PPARD: variants seen among roughly 807,000 people sequenced by gnomAD.
The protein encoded by PPARD is peroxisome proliferator activated receptor delta.
Under a neutral mutation model 39.5 loss-of-function variants are expected in PPARD, and 6 were observed. That is an observed-to-expected ratio of 0.15 (90% CI 0.08 to 0.30). The LOEUF is 0.30. Among genes scored for constraint, PPARD ranks in the 10% least tolerant of loss-of-function variants. The probability of loss-of-function intolerance (pLI) is 1.00; values close to 1 mark genes in which losing one functional copy is unlikely to be tolerated. For missense variants in PPARD, 397 were observed against 596.8 expected (o/e 0.67, Z 3.49); for synonymous variants, 210 against 231.3 (o/e 0.91, Z 0.83).
chr6:35,393,878 G>A (rs537643709), intron 2 of PPARD, among the ~76,000 whole-genome samples: 1 of 152,292 alleles, frequency 6.6e-6, no homozygotes, highest in East Asian at 1.9e-4. Flanking sequence ...AGGGACAGGA[G>A]GACTGAGAAC....
At chr6:35,407,930 A>T (rs368976575) in intron 2 of PPARD, among the ~76,000 whole-genome samples, 1 of 152,162 alleles carries the variant, frequency 6.6e-6, no homozygotes, top group East Asian at 1.9e-4. Flanking sequence ...AAGTGTCTTT[A>T]TGTCTCCTAT....
At chr6:35,422,286 C>T (rs941863202) in intron 5 of PPARD, among the ~76,000 whole-genome samples, 1 of 152,186 alleles carries the variant, frequency 6.6e-6, no homozygotes, top group Non-Finnish European at 1.5e-5. Context: ...AACACCAGTC[C>T]CAGAAACTCA....
chr6:35,426,097 C>T lies in PPARD; in HGVS notation c.*18C>T. On this transcript the variant is annotated 3_prime_UTR_variant, in exon 8 of 8. Coordinates refer to ENST00000360694, the MANE Select transcript of PPARD (RefSeq NM_006238.5). ...TGTACTAACGGCGGCACCCAGGCCT[C>T]CCTGCAGACTCCAATGGGGCCAGCA... The T allele has an allele frequency of 6.2e-7, 1 of 1,606,120 alleles. No homozygotes were observed.
At chr6:35,346,017 C>T (rs9658065) in intron 1 of PPARD, among the ~76,000 whole-genome samples, 7,609 of 151,960 alleles carry the variant, frequency 0.05, 623 homozygotes, top group African/African-American at 0.17. Context: ...GCTGGGACTA[C>T]AGGCGCCCGC....
intron 2 of PPARD, among the ~76,000 whole-genome samples, chr6:35,396,640 T>C (rs1764339981): frequency 6.6e-6 from 1 of 150,476 alleles, no homozygotes; most frequent in African/African-American, 2.4e-5. Context: ...ACCATCCTGG[T>C]TAACGTGGTG....
chr6:35,367,529 C>G (rs1762271753), intron 2 of PPARD, among the ~76,000 whole-genome samples: 1 of 152,180 alleles, frequency 6.6e-6, no homozygotes, highest in Non-Finnish European at 1.5e-5. Flanking sequence ...TCCATTTGCT[C>G]AAGGAGAAAC....
At chr6:35,389,288 G>A (rs1360076478) in intron 2 of PPARD, among the ~76,000 whole-genome samples, 3 of 151,832 alleles carry the variant, frequency 2.0e-5, no homozygotes, top group African/African-American at 4.8e-5. Flanking sequence ...TGGGTGATGG[G>A]TTTTTTTGGT....
At chr6:35,355,769 T>G (rs9942488) in intron 2 of PPARD, among the ~76,000 whole-genome samples, 14,544 of 150,966 alleles carry the variant, frequency 0.096, 1,264 homozygotes, top group African/African-American at 0.23. Flanking sequence ...CCGCCACCAC[T>G]CCTGGCTAAT....
chr6:35,423,613 T>C (rs1274225121), intron 5 of PPARD, among the ~76,000 whole-genome samples: 1 of 152,080 alleles, frequency 6.6e-6, no homozygotes, highest in African/African-American at 2.4e-5. Flanking sequence ...GAGCTGGAAC[T>C]CAAGCCCAGG....
chr6:35,390,468 T>A (rs1204157073), intron 2 of PPARD, among the ~76,000 whole-genome samples: 1 of 152,212 alleles, frequency 6.6e-6, no homozygotes, highest in Non-Finnish European at 1.5e-5. Context: ...TAACGAAGGC[T>A]GGCCATCAAG....
intron 2 of PPARD, among the ~76,000 whole-genome samples, chr6:35,365,865 T>A (rs990124021): frequency 1.3e-5 from 2 of 151,742 alleles, no homozygotes; most frequent in African/African-American, 4.9e-5. Flanking sequence ...AATAACCTTG[T>A]CATTTTACAC....
At chr6:35,386,464 C>G (rs1430004907) in intron 2 of PPARD, among the ~76,000 whole-genome samples, 2 of 151,712 alleles carry the variant, frequency 1.3e-5, no homozygotes, top group Non-Finnish European at 2.9e-5. Context: ...GCATTCCAAC[C>G]TGGGTGACAG....
At chr6:35,397,848 C>T (rs535469390) in intron 2 of PPARD, among the ~76,000 whole-genome samples, 1 of 152,054 alleles carries the variant, frequency 6.6e-6, no homozygotes, top group Non-Finnish European at 1.5e-5. Flanking sequence ...AATAGGGAAG[C>T]CAGGGAAGAC....
Position 35,424,448 on chromosome 6 carries a change from C to T in PPARD, c.747C>T (p.Cys249=). 1 of 1,614,242 alleles carries T rather than the reference C, an allele frequency of 6.2e-7. No homozygotes were observed. The highest frequency in any genetic ancestry group is 8.5e-7 in the Non-Finnish European group (1 of 1,180,044). Residue 249 remains cysteine, a synonymous_variant, in exon 7 of 8, where the codon TGC becomes TGT. Coordinates refer to ENST00000360694, the MANE Select transcript of PPARD (RefSeq NM_006238.5). The surrounding 1 kb of genome is among the most constrained non-coding windows in gnomAD (Gnocchi z 7.1). Reference sequence around the variant, plus strand: ...TCAGCGTGCACGTCTTCTACCGCTGCCAGTGCACCACAGTGGAGACCGTGC... The same window carrying T: ...TCAGCGTGCACGTCTTCTACCGCTGTCAGTGCACCACAGTGGAGACCGTGC... ...KEISVHVFYR[C]QCTTVETVRE... is the part of the protein sequence containing the mutation.
chr6:35,346,286 C>A (rs1301227969), intron 1 of PPARD, among the ~76,000 whole-genome samples: 1 of 152,132 alleles, frequency 6.6e-6, no homozygotes, highest in Non-Finnish European at 1.5e-5. Context: ...TGCTCCAGTG[C>A]CTCTGAAGGG....
At chr6:35,388,096 C>A (rs1689351529) in intron 2 of PPARD, among the ~76,000 whole-genome samples, 1 of 151,384 alleles carries the variant, frequency 6.6e-6, no homozygotes, top group African/African-American at 2.4e-5. Context: ...GCTTATAAAA[C>A]CTCTTCATAG....
intron 2 of PPARD, among the ~76,000 whole-genome samples, chr6:35,350,272 T>G (rs1761157488): frequency 6.6e-6 from 1 of 152,246 alleles, no homozygotes; most frequent in African/African-American, 2.4e-5. Flanking sequence ...TGATCCCATT[T>G]GACCATTTTT....
chr6:35,407,222 T>G (rs1470402559), intron 2 of PPARD, among the ~76,000 whole-genome samples: 1 of 152,170 alleles, frequency 6.6e-6, no homozygotes, highest in East Asian at 1.9e-4. Context: ...CCCCACATCT[T>G]CACGTCCTCC....
chr6:35,420,811 CAAA>C (rs1228405983), intron 4 of PPARD, among the ~76,000 whole-genome samples: 1 of 100,786 alleles, frequency 9.9e-6, no homozygotes, highest in Non-Finnish European at 2.1e-5. Flanking sequence ...ACCAAACTAA[CAAA>C]GAAGCTTTTT....
Sources: allele counts gnomAD v4.1 joint callset (sites outside exome capture counted in the v4.1 genomes callset), GRCh38; gene constraint gnomAD v4.1.1; non-coding constraint Gnocchi (gnomAD v3.1); transcripts MANE v1.5; gene names NCBI Gene and HGNC (gene_info 2026-07-23, HGNC 2026-07-21).